The following CHID1 variants were observed in gnomAD, a reference collection of about 807,000 sequenced individuals.
The protein encoded by CHID1 is chitinase domain-containing protein 1.
A neutral mutation model predicts 55.4 loss-of-function variants in CHID1; 44 were observed. The ratio of observed to expected loss-of-function variants is 0.79; its 90% CI spans 0.62 to 1.02. The LOEUF is 1.02. CHID1 is among the 50% of genes least tolerant of loss of function. CHID1 has a pLI of 0.00. For synonymous variants in CHID1, 216 were observed against 212.9 expected (o/e 1.01, Z -0.13); for missense variants, 491 against 515.3 (o/e 0.95, Z 0.46).
chr11:898,288 G>C (rs1851527778), intron 7 of CHID1, among the ~76,000 whole-genome samples: 1 of 152,166 alleles, frequency 6.6e-6, no homozygotes, highest in African/African-American at 2.4e-5. Flanking sequence ...GCTGCTGCAG[G>C]GGACACCATG....
chr11:906,921 G>A (rs530902923), intron 1 of CHID1, among the ~76,000 whole-genome samples: 21 of 152,110 alleles, frequency 1.4e-4, no homozygotes, highest in African/African-American at 1.9e-4. Context: ...CCAGCTTCTC[G>A]GGACGCTGAG....
chr11:898,453 G>A (rs1364689663), intron 7 of CHID1, among the ~76,000 whole-genome samples: 1 of 152,216 alleles, frequency 6.6e-6, no homozygotes, highest in Admixed American at 6.5e-5. Context: ...CCGCGGTGGA[G>A]ACCGCACCAT....
At chr11:910,845 C>G (rs1274326856), upstream of CHID1, 7 of 1,088,562 alleles carry the variant, frequency 6.4e-6, no homozygotes, top group Non-Finnish European at 7.8e-6. Context: ...GGAAGTCCCG[C>G]CCCAGGCGCC....
chr11:906,241 CTTT>C (rs932290374), intron 1 of CHID1, among the ~76,000 whole-genome samples: 3 of 134,870 alleles, frequency 2.2e-5, no homozygotes, highest in Non-Finnish European at 4.9e-5. Context: ...GGCTGTGGGA[CTTT>C]TTTTTTTTTT....
In CHID1 at chr11:868,132, G is replaced by C. The variant is rs1334746551; in HGVS notation, c.*1726C>G. On this transcript the variant is annotated 3_prime_UTR_variant, in exon 13 of 13. Transcript: ENST00000323578. ...GCTGATCTGGCAATGCCTAGCTCCA[G>C]GCCCACACCACCCTCCCAGACCTGC... 1.3e-5 allele frequency: 2 copies of C among 151,272 alleles called. No homozygotes were observed. The highest frequency in any genetic ancestry group is 2.4e-5 in the African/African-American group (1 of 41,054). The allele number at this position is 151,272 out of a possible 1,614,324, so 9.4% of individuals were successfully genotyped here.
chr11:874,736 G>GT (rs1440439049), intron 10 of CHID1: 1 of 152,246 alleles, frequency 6.6e-6, no homozygotes, highest in African/African-American at 2.4e-5. Context: ...GATTACAGGC[G>GT]TGAGTCACCA....
chr11:899,980 G>C, intron 6 of CHID1, 24 bp downstream of exon 6: 1 of 1,573,442 alleles, frequency 6.4e-7, no homozygotes, highest in Non-Finnish European at 8.7e-7. Context: ...GTGCTCAGAG[G>C]CTGGAGCAGC....
chr11:895,951 G>C (rs1851242014), intron 7 of CHID1, among the ~76,000 whole-genome samples: 1 of 152,138 alleles, frequency 6.6e-6, no homozygotes, highest in East Asian at 1.9e-4. Flanking sequence ...CGAGGTGCTC[G>C]CAGGCTGCTC....
At chr11:895,363 C>T (rs938939013) in intron 7 of CHID1, among the ~76,000 whole-genome samples, 11 of 152,250 alleles carry the variant, frequency 7.2e-5, no homozygotes, top group African/African-American at 2.4e-4. Context: ...GTCAGGCTCA[C>T]GGTGTGGCCC....
chr11:879,558 G>A (rs961144127), intron 10 of CHID1, among the ~76,000 whole-genome samples: 2 of 35,622 alleles, frequency 5.6e-5, no homozygotes, highest in African/African-American at 1.6e-4. Flanking sequence ...TGAGGAGAGA[G>A]GTCCTGGGAG....
chr11:871,939 G>A (rs1322770446), intron 10 of CHID1, among the ~76,000 whole-genome samples: 1 of 152,198 alleles, frequency 6.6e-6, no homozygotes, highest in Non-Finnish European at 1.5e-5. Flanking sequence ...GACACTGGGA[G>A]CCTCTTCCAG....
chr11:891,998 C>T (rs1330754595), intron 8 of CHID1, among the ~76,000 whole-genome samples: 2 of 151,780 alleles, frequency 1.3e-5, no homozygotes, highest in African/African-American at 2.4e-5. Context: ...TGCCTGTAGC[C>T]CCAGCTACTC....
intron 8 of CHID1, among the ~76,000 whole-genome samples, chr11:885,295 G>A (rs1351031187): frequency 6.6e-6 from 1 of 152,198 alleles, no homozygotes; most frequent in African/African-American, 2.4e-5. Flanking sequence ...CACCTGGCAG[G>A]TCTGAGGAGC....
intron 1 of CHID1, among the ~76,000 whole-genome samples, chr11:906,102 T>C (rs553008802): frequency 2.0e-5 from 3 of 152,182 alleles, no homozygotes; most frequent in Admixed American, 2.0e-4. Context: ...ACCTGGCTAA[T>C]TTTTGTATTT....
chr11:890,189 C>G (rs1241110520), intron 8 of CHID1, among the ~76,000 whole-genome samples: 1 of 152,254 alleles, frequency 6.6e-6, no homozygotes, highest in Non-Finnish European at 1.5e-5. Context: ...TCAGCCTGGA[C>G]CTCGGCCCGT....
At chr11:893,282 G>T in intron 8 of CHID1, 145 bp downstream of exon 8, 1 of 612,518 alleles carries the variant, frequency 1.6e-6, no homozygotes, top group Non-Finnish European at 2.9e-6. Flanking sequence ...CACAGAGTGT[G>T]TGGCAGCTGA....
chr11:879,081 T>C (rs7479057), intron 10 of CHID1, among the ~76,000 whole-genome samples: 83,838 of 152,092 alleles, frequency 0.55, 23,689 homozygotes, highest in South Asian at 0.77. Context: ...CTCCTGACCT[T>C]GTGATCCGCC....
chr11:890,963 C>A (rs978078772), intron 8 of CHID1, among the ~76,000 whole-genome samples: 1 of 151,116 alleles, frequency 6.6e-6, no homozygotes, highest in Non-Finnish European at 1.5e-5. Flanking sequence ...CTGGAGAGAG[C>A]GAGCCTGTGT....
upstream of CHID1, among the ~76,000 whole-genome samples, chr11:912,615 C>A (rs2134409952): frequency 6.6e-6 from 1 of 152,218 alleles, no homozygotes; most frequent in Non-Finnish European, 1.5e-5. Context: ...GAGGCTGAGG[C>A]GGGCGGATCA....
Sources: allele counts gnomAD v4.1 joint callset (sites outside exome capture counted in the v4.1 genomes callset), GRCh38; gene constraint gnomAD v4.1.1; transcripts MANE v1.5; gene names NCBI Gene and HGNC (gene_info 2026-07-23, HGNC 2026-07-21).